EVA1A: variants seen among roughly 807,000 people sequenced by gnomAD.
EVA1A encodes the protein eva-1 homolog A, regulator of programmed cell death.
A neutral mutation model predicts 9.8 loss-of-function variants in EVA1A; 7 were observed. The ratio of observed to expected loss-of-function variants is 0.71; its 90% CI spans 0.41 to 1.34. The LOEUF is 1.34. Ranked by LOEUF, EVA1A falls within the 40% of genes most tolerant of loss-of-function variation. The probability of loss-of-function intolerance (pLI) is 0.01; values close to 1 mark genes in which losing one functional copy is unlikely to be tolerated. For synonymous variants in EVA1A, 90 were observed against 85.6 expected, an observed-to-expected ratio of 1.05 and a Z score of -0.28; for missense variants, 206 against 205.9, an observed-to-expected ratio of 1.00 and a Z score of 0.00.
chr2:75,531,832 G>T (rs1194660569), intron 1 of EVA1A, among the ~76,000 whole-genome samples: 1 of 152,146 alleles, frequency 6.6e-6, no homozygotes, highest in Non-Finnish European at 1.5e-5. Context: ...GGTGATACTT[G>T]CACCAAAATC....
chr2:75,563,603 G>C (rs1676965862), upstream of EVA1A, among the ~76,000 whole-genome samples: 1 of 152,112 alleles, frequency 6.6e-6, no homozygotes, highest in African/African-American at 2.4e-5. Context: ...AAGTATTCTT[G>C]TTCTGTTATT....
At chr2:75,524,833 A>G (rs1675363935) in intron 1 of EVA1A, among the ~76,000 whole-genome samples, 1 of 152,126 alleles carries the variant, frequency 6.6e-6, no homozygotes, top group Admixed American at 6.5e-5. Context: ...GGTTCCATTA[A>G]TGAATGATTC....
intron 1 of EVA1A, among the ~76,000 whole-genome samples, chr2:75,527,746 G>T (rs1431490873): frequency 6.6e-6 from 1 of 152,102 alleles, no homozygotes; most frequent in African/African-American, 2.4e-5. Flanking sequence ...GGAAAAAATA[G>T]AATTTTATGA....
intron 3 of EVA1A, among the ~76,000 whole-genome samples, chr2:75,501,957 C>T (rs149809437): frequency 1.3e-5 from 2 of 152,306 alleles, no homozygotes; most frequent in Non-Finnish European, 2.9e-5. Flanking sequence ...CCTCAGTCCC[C>T]TCAACCCAAG....
chr2:75,532,159 C>CA (rs543115764), intron 1 of EVA1A, among the ~76,000 whole-genome samples: 855 of 57,860 alleles, frequency 0.015, 151 homozygotes, highest in Non-Finnish European at 0.02. Flanking sequence ...GACTCTGTCT[C>CA]AAAAAAAAAA....
intron 3 of EVA1A, among the ~76,000 whole-genome samples, chr2:75,500,322 T>C (rs1232776584): frequency 6.6e-6 from 1 of 152,204 alleles, no homozygotes; most frequent in Non-Finnish European, 1.5e-5. Context: ...ACTCTGATTT[T>C]TGGCATACGA....
At chr2:75,564,438 G>A (rs148429945), upstream of EVA1A, among the ~76,000 whole-genome samples, 18 of 152,344 alleles carry the variant, frequency 1.2e-4, no homozygotes, top group African/African-American at 4.3e-4. Context: ...CCTTGCAGAT[G>A]TGGGCAGGTA....
chr2:75,516,335 T>G (rs551333639), intron 3 of EVA1A, among the ~76,000 whole-genome samples: 1 of 152,366 alleles, frequency 6.6e-6, no homozygotes, highest in South Asian at 2.1e-4. Flanking sequence ...GTCTACACAC[T>G]GCATCCAAAT....
Position 75,493,045 on chromosome 2 carries a change from T to G in EVA1A, c.*191A>C, listed in dbSNP as rs1306912728. On this transcript the variant is annotated 3_prime_UTR_variant, in exon 4 of 4. Transcript: ENST00000393913. ...AGACCTGGAAAGGGTGATGAACTGCTTTGATTTTTCTACTTCTCCATACAT... is the reference window on the plus strand; with the variant it reads ...AGACCTGGAAAGGGTGATGAACTGCGTTGATTTTTCTACTTCTCCATACAT... 1.3e-5 allele frequency: 10 copies of G among 778,252 alleles called. No individual in the cohort carries two copies. In the East Asian group the frequency reaches 2.0e-4, roughly 16 times the overall value. 48.2% of individuals were successfully genotyped at this position (778,252 alleles called of 1,614,324 possible). A position where few individuals can be genotyped will look rare whatever the true frequency, so the allele number is the denominator to read the frequency against.
At chr2:75,522,859 A>G (rs1372570763) in intron 1 of EVA1A, among the ~76,000 whole-genome samples, 1 of 152,220 alleles carries the variant, frequency 6.6e-6, no homozygotes, top group Non-Finnish European at 1.5e-5. Flanking sequence ...ACAGGAAGGG[A>G]GGGAATTCTG....
intron 3 of EVA1A, among the ~76,000 whole-genome samples, chr2:75,509,803 G>T (rs1016840342): frequency 6.6e-6 from 1 of 151,928 alleles, no homozygotes. Flanking sequence ...GTTAAGGGGG[G>T]TAATTCAATT....
rs183973957 is a variant in EVA1A at position 75,519,500 on chromosome 2, A to G, written c.-68-1292T>C. On this transcript the variant is annotated intron_variant, in intron 2 of 3. Coordinates refer to ENST00000393913, the MANE Select transcript of EVA1A (RefSeq NM_001135032.2). Reference sequence around the variant, plus strand: ...ACCAACTCACAGGCACAAAGAAACAACCATAAAGTCCTTGGAGCGGCCAGA... The same window carrying G: ...ACCAACTCACAGGCACAAAGAAACAGCCATAAAGTCCTTGGAGCGGCCAGA... 5.3e-5 allele frequency among the ~76,000 whole-genome samples: 8 copies of G among 152,328 alleles called. No homozygotes were observed. In the East Asian group the frequency reaches 1.5e-3, roughly 29 times the overall value.
chr2:75,525,257 T>C (rs957444602), intron 1 of EVA1A, among the ~76,000 whole-genome samples: 2 of 152,202 alleles, frequency 1.3e-5, no homozygotes, highest in Non-Finnish European at 2.9e-5. Context: ...TTATCTACTA[T>C]AAACTTACCT....
chr2:75,533,048 G>C (rs748907239), intron 1 of EVA1A, among the ~76,000 whole-genome samples: 1 of 151,854 alleles, frequency 6.6e-6, no homozygotes, highest in South Asian at 2.1e-4. Flanking sequence ...GGAGGCTGAG[G>C]TGAGAGGATC....
At chr2:75,560,438 G>T (rs1021845875) in intron 1 of EVA1A, among the ~76,000 whole-genome samples, 10 of 152,196 alleles carry the variant, frequency 6.6e-5, no homozygotes, top group Non-Finnish European at 1.2e-4. Context: ...AAGAAGCAGG[G>T]GGGGCGAGAG....
chr2:75,492,942 AG>A lies in EVA1A; in HGVS notation c.*293del. 2.6e-6 allele frequency: 1 copy of A among 390,006 alleles called. No homozygotes were observed. The highest frequency in any genetic ancestry group is 4.6e-6 in the Non-Finnish European group (1 of 217,490). The allele number at this position is 390,006 out of a possible 1,614,324, so 24.2% of individuals were successfully genotyped here. On this transcript the variant is annotated 3_prime_UTR_variant, in exon 4 of 4. Transcript: ENST00000393913. ...GTCTGCTGAAACTTCTGAGATCCTC[AG>A]AAATCAAGAGAAACCACAGTCGCGT...
chr2:75,543,695 A>T (rs1676221120), intron 1 of EVA1A, among the ~76,000 whole-genome samples: 1 of 152,038 alleles, frequency 6.6e-6, no homozygotes, highest in Non-Finnish European at 1.5e-5. Flanking sequence ...GACCTTCCTA[A>T]TCATTCCTCA....
intron 3 of EVA1A, among the ~76,000 whole-genome samples, chr2:75,505,209 A>G (rs571351796): frequency 3.3e-5 from 5 of 152,236 alleles, no homozygotes; most frequent in African/African-American, 1.2e-4. Context: ...TCAAAATTCG[A>G]ATGCTTTTCT....
At chr2:75,505,686 C>T (rs554692624) in intron 3 of EVA1A, among the ~76,000 whole-genome samples, 89 of 151,876 alleles carry the variant, frequency 5.9e-4, no homozygotes, top group Non-Finnish European at 4.7e-4. Context: ...TGGTGGTGCA[C>T]GTCTGTAATC....
Sources: allele counts gnomAD v4.1 joint callset (sites outside exome capture counted in the v4.1 genomes callset), GRCh38; gene constraint gnomAD v4.1.1; transcripts MANE v1.5; gene names NCBI Gene and HGNC (gene_info 2026-07-23, HGNC 2026-07-21).